Variants in TBC1D22B observed in about 807,000 individuals in gnomAD.
The protein encoded by TBC1D22B is chromosome 6 open reading frame 197.
TBC1D22B carries 32 observed loss-of-function variants against 69.1 expected under a neutral mutation model. The observed-to-expected ratio is 0.46, with a 90% CI of 0.35 to 0.62. The LOEUF (loss-of-function observed/expected upper bound fraction) is 0.62. Among genes scored for constraint, TBC1D22B ranks in the 20% least tolerant of loss-of-function variants. The pLI is 0.00. For missense variants in TBC1D22B, 462 were observed against 630.9 expected (o/e 0.73, Z 2.87); for synonymous variants, 206 against 229.8 (o/e 0.90, Z 0.94).
At chr6:37,285,386 G>A (rs1342251838) in intron 6 of TBC1D22B, among the ~76,000 whole-genome samples, 1 of 140,490 alleles carries the variant, frequency 7.1e-6, no homozygotes, top group African/African-American at 2.7e-5. Context: ...GTGCAGTGGC[G>A]TGATCTTGGC....
intron 8 of TBC1D22B, among the ~76,000 whole-genome samples, chr6:37,306,930 G>T (rs551070858): frequency 6.6e-6 from 1 of 152,312 alleles, no homozygotes; most frequent in South Asian, 2.1e-4. Context: ...TCTCTTCTCT[G>T]TGGGAATCTC....
In TBC1D22B at chr6:37,316,847, G is replaced by A. The variant is rs199901438; in HGVS notation, c.1293+17G>A. ...ACATATCAGGTAGGAGGGATTCCCC[G>A]GCCTCTCTGTGCCAGGCTGTCTCTG... is the stretch of plus-strand genomic sequence containing the variant. On this transcript the variant is annotated intron_variant, in intron 11 of 12. Coordinates refer to ENST00000373491, the MANE Select transcript of TBC1D22B (RefSeq NM_017772.4). 5.6e-6 allele frequency: 9 copies of A among 1,613,702 alleles called. No individual in the cohort carries two copies. The highest frequency in any genetic ancestry group is 1.6e-4 in the Middle Eastern group (1 of 6,080).
At chr6:37,258,094 C>T (rs961907137) in intron 1 of TBC1D22B, 121 bp downstream of exon 1, 36 of 1,148,724 alleles carry the variant, frequency 3.1e-5, no homozygotes, top group Non-Finnish European at 4.1e-5. Context: ...GAAGCTGGGA[C>T]TGCCTGGTGG....
chr6:37,310,159 C>G lies in TBC1D22B; in HGVS notation c.983-2759C>G, dbSNP rs565272091. On this transcript the variant is annotated intron_variant, in intron 8 of 12. Transcript: ENST00000373491. ...ATGTAAGTATATCTATATAGATATA[C>G]TTACATATATTTTAAAATATGTATG... 3.5e-3 allele frequency among the ~76,000 whole-genome samples: 502 copies of G among 142,652 alleles called. 1 individual carries two copies. The highest frequency in any genetic ancestry group is 0.013 in the African/African-American group (487 of 38,928). 93.6% of individuals were successfully genotyped at this position (142,652 alleles called of 152,430 possible).
chr6:37,266,144 T>G (rs1423191223), intron 1 of TBC1D22B, among the ~76,000 whole-genome samples: 5 of 152,170 alleles, frequency 3.3e-5, no homozygotes, highest in Non-Finnish European at 7.3e-5. Context: ...CTTCTAACCT[T>G]CTCAAGATCG....
At chr6:37,272,088 G>A (rs1394566475) in intron 2 of TBC1D22B, among the ~76,000 whole-genome samples, 4 of 150,970 alleles carry the variant, frequency 2.6e-5, no homozygotes, top group Non-Finnish European at 4.4e-5. Context: ...TTTTTCTTTT[G>A]AGATAGGGTC....
At chr6:37,323,771 T>C (rs540178068) in intron 12 of TBC1D22B, among the ~76,000 whole-genome samples, 1 of 152,312 alleles carries the variant, frequency 6.6e-6, no homozygotes, top group East Asian at 1.9e-4. Flanking sequence ...AGACATTTGG[T>C]GAATTGCCAG....
intron 6 of TBC1D22B, among the ~76,000 whole-genome samples, chr6:37,285,712 T>C (rs573072549): frequency 6.6e-6 from 1 of 152,140 alleles, no homozygotes; most frequent in South Asian, 2.1e-4. Context: ...AGGCTGGTCT[T>C]GAACTCCTGG....
Position 37,296,552 on chromosome 6 carries a change from A to G in TBC1D22B, c.982+5195A>G, listed in dbSNP as rs556268320. ...TTTTTTAGAGATAAATTTTTGCCAC[A>G]TTGCCGAGGCTCGTCTTGAACCCCT... On this transcript the variant is annotated intron_variant, in intron 8 of 12. Transcript: ENST00000373491. Among the ~76,000 whole-genome samples the G allele has an allele frequency of 3.9e-5, 6 of 152,066 alleles. No homozygotes were observed. In the South Asian group the frequency reaches 1.2e-3, roughly 32 times the overall value.
At chr6:37,272,888 A>T (rs929203253) in intron 2 of TBC1D22B, among the ~76,000 whole-genome samples, 1 of 152,178 alleles carries the variant, frequency 6.6e-6, no homozygotes, top group Non-Finnish European at 1.5e-5. Context: ...TTTTGTTCAG[A>T]TATTGAGTAA....
rs1223685281 is a variant in TBC1D22B, at chr6:37,257,811, C to A, written c.-107C>A. On this transcript the variant is annotated 5_prime_UTR_variant, in exon 1 of 13. Transcript: ENST00000373491. The stretch of plus-strand genomic sequence containing the variant: ...GTCCCCAGGAGCTGGGAGCGGGTGA[C>A]CGGCGGCGGGGAAGCGGCCTGGGTT... 11 of 1,282,490 alleles carry A rather than the reference C, an allele frequency of 8.6e-6. No individual in the cohort carries two copies. Among genetic ancestry groups the A allele is most frequent in the Non-Finnish European group, 1.2e-5 (11 of 920,964 alleles). 79.4% of individuals were successfully genotyped at this position (1,282,490 alleles called of 1,614,324 possible).
chr6:37,286,858 C>G (rs145545265), intron 6 of TBC1D22B, 149 bp from the exon 7 acceptor site: 1 of 609,544 alleles, frequency 1.6e-6, no homozygotes, highest in Non-Finnish European at 2.8e-6. Flanking sequence ...GCAGGAGAAT[C>G]GCTTGAACCC....
intron 5 of TBC1D22B, 122 bp downstream of exon 5, chr6:37,283,074 G>T: frequency 1.3e-6 from 1 of 749,258 alleles, no homozygotes; most frequent in Non-Finnish European, 2.3e-6. Context: ...GGATATGACA[G>T]AACTATGGGA....
chr6:37,324,061 C>G (rs1768326467), intron 12 of TBC1D22B, among the ~76,000 whole-genome samples: 1 of 152,190 alleles, frequency 6.6e-6, no homozygotes, highest in African/African-American at 2.4e-5. Flanking sequence ...TACTACCTCA[C>G]TGATTCTCAG....
intron 8 of TBC1D22B, among the ~76,000 whole-genome samples, chr6:37,309,912 A>G (rs1457202664): frequency 6.6e-6 from 1 of 150,402 alleles, no homozygotes; most frequent in Non-Finnish European, 1.5e-5. Context: ...TTTACAGCCC[A>G]ATATCATTTA....
intron 3 of TBC1D22B, among the ~76,000 whole-genome samples, 174 bp downstream of exon 3, chr6:37,279,785 CT>C (rs1404381991): frequency 1.3e-5 from 2 of 152,150 alleles, no homozygotes; most frequent in African/African-American, 4.8e-5. Context: ...ATACTTGCCC[CT>C]CCCACAGTGG....
rs546163166 is a variant in TBC1D22B at position 37,272,196 on chromosome 6, C to T, written c.113+2546C>T. On this transcript the variant is annotated intron_variant, in intron 2 of 12. Coordinates refer to ENST00000373491, the MANE Select transcript of TBC1D22B (RefSeq NM_017772.4). ...CCTCCCATCTCAGCCTCCTTAGTAG[C>T]TGGGACTACAGGCGTGCACCACCAC... 3.3e-5 allele frequency among the ~76,000 whole-genome samples: 5 copies of T among 151,592 alleles called. No homozygotes were observed. In the South Asian group the frequency reaches 8.4e-4, roughly 25 times the overall value.
chr6:37,315,206 T>A (rs1768041184), intron 10 of TBC1D22B, among the ~76,000 whole-genome samples: 2 of 152,216 alleles, frequency 1.3e-5, no homozygotes, highest in African/African-American at 4.8e-5. Flanking sequence ...TACTTTGGAA[T>A]AGTGGATTTT....
intron 6 of TBC1D22B, among the ~76,000 whole-genome samples, chr6:37,285,021 T>C (rs576826048): frequency 2.6e-5 from 4 of 152,230 alleles, no homozygotes; most frequent in Non-Finnish European, 5.9e-5. Context: ...CTTCTGTCAT[T>C]GCCCATAATG....
Sources: allele counts gnomAD v4.1 joint callset (sites outside exome capture counted in the v4.1 genomes callset), GRCh38; gene constraint gnomAD v4.1.1; transcripts MANE v1.5; gene names NCBI Gene and HGNC (gene_info 2026-07-23, HGNC 2026-07-21).